PIK3C2G: variants seen among roughly 807,000 people sequenced by gnomAD.
PIK3C2G encodes phosphatidylinositol-4-phosphate 3-kinase catalytic subunit type 2 gamma, also known as phosphatidylinositol 3-kinase C2 domain-containing subunit gamma.
Under a neutral mutation model 181.1 loss-of-function variants are expected in PIK3C2G, and 168 were observed. That is an observed-to-expected ratio of 0.93 (90% CI 0.82 to 1.05). The LOEUF is 1.05. PIK3C2G is among the 50% of genes least tolerant of loss of function. The pLI, the probability that PIK3C2G is intolerant of heterozygous loss-of-function variation, is 0.00. For synonymous variants in PIK3C2G, 573 were observed against 592.2 expected (o/e 0.97, Z 0.47); for missense variants, 1,869 against 1,732.8 (o/e 1.08, Z -1.40).
chr12:18,523,097 G>A (rs569703110), intron 24 of PIK3C2G, among the ~76,000 whole-genome samples: 5 of 151,740 alleles, frequency 3.3e-5, no homozygotes, highest in East Asian at 1.9e-4. Context: ...TGGGTTTTTG[G>A]TATTTTTTAT....
At chr12:18,435,737 T>G (rs765576224) in intron 18 of PIK3C2G, among the ~76,000 whole-genome samples, 1 of 152,082 alleles carries the variant, frequency 6.6e-6, no homozygotes, top group Non-Finnish European at 1.5e-5. Flanking sequence ...CTGATGACTT[T>G]GCACACAGTT....
intron 11 of PIK3C2G, among the ~76,000 whole-genome samples, chr12:18,361,253 T>A (rs1398288822): frequency 6.6e-6 from 1 of 152,186 alleles, no homozygotes; most frequent in Admixed American, 6.5e-5. Context: ...ATAATTTCTA[T>A]TTGGTTATTT....
intron 14 of PIK3C2G, among the ~76,000 whole-genome samples, chr12:18,385,591 T>C (rs1943113853): frequency 6.6e-6 from 1 of 152,004 alleles, no homozygotes; most frequent in African/African-American, 2.4e-5. Flanking sequence ...TATTTGGAGA[T>C]GAATTCTCAC....
chr12:18,263,719 G>A (rs563180335), intron 1 of PIK3C2G, among the ~76,000 whole-genome samples: 1 of 151,874 alleles, frequency 6.6e-6, no homozygotes, highest in Admixed American at 6.6e-5. Flanking sequence ...TGTTGTTGTC[G>A]ATATTATTAC....
chr12:18,280,543 C>G (rs1202960381), intron 1 of PIK3C2G, among the ~76,000 whole-genome samples: 1 of 151,672 alleles, frequency 6.6e-6, no homozygotes, highest in Admixed American at 6.6e-5. Context: ...GCCAGAAGGC[C>G]AAGATGATGA....
At position 18,325,213 on chromosome 12, in the gene PIK3C2G, T is replaced by G. The variant is rs2137496256; in HGVS notation, c.1272+115T>G. 6.4e-6 allele frequency: 4 copies of G among 626,122 alleles called. No individual in the cohort carries two copies. In the South Asian group the frequency reaches 8.1e-5, roughly 13 times the overall value. 38.8% of individuals were successfully genotyped at this position (626,122 alleles called of 1,614,324 possible). A position where few individuals can be genotyped will look rare whatever the true frequency, so the allele number is the denominator to read the frequency against. ...ACAAAAATGAATAAAACAGAGGATCTACACTTGAAAGGCTTTCATTTCAAC... is the reference window on the plus strand; with the variant it reads ...ACAAAAATGAATAAAACAGAGGATCGACACTTGAAAGGCTTTCATTTCAAC... On this transcript the variant is annotated intron_variant, in intron 8 of 32. Transcript: ENST00000538779.
intron 24 of PIK3C2G, among the ~76,000 whole-genome samples, chr12:18,518,660 G>A (rs1316542960): frequency 6.6e-6 from 1 of 151,540 alleles, no homozygotes; most frequent in Non-Finnish European, 1.5e-5. Context: ...TATCTATTTT[G>A]TTAATTTTTT....
chr12:18,338,957 A>G (rs1938851010), intron 9 of PIK3C2G, among the ~76,000 whole-genome samples: 1 of 152,076 alleles, frequency 6.6e-6, no homozygotes, highest in Non-Finnish European at 1.5e-5. Flanking sequence ...GTATACAGGC[A>G]TTAAGTGTCA....
chr12:18,426,836 T>C (rs535465945), intron 18 of PIK3C2G, among the ~76,000 whole-genome samples: 2 of 152,354 alleles, frequency 1.3e-5, no homozygotes, highest in South Asian at 2.1e-4. Context: ...ATTTTCATTT[T>C]AAATGCCTAA....
At chr12:18,673,661 C>T in the PIK3C2G span, among the ~76,000 whole-genome samples, 1 of 152,160 alleles carries the variant, frequency 6.6e-6, no homozygotes, top group Non-Finnish European at 1.5e-5. Flanking sequence ...TGTCAGAAAT[C>T]CAGGCACAGC....
intron 9 of PIK3C2G, among the ~76,000 whole-genome samples, chr12:18,341,360 G>C (rs1450855228): frequency 6.6e-6 from 1 of 152,044 alleles, no homozygotes; most frequent in Non-Finnish European, 1.5e-5. Context: ...CTTTCCTTAT[G>C]TACTAGTATA....
At chr12:18,271,140 G>A (rs982988916) in intron 1 of PIK3C2G, among the ~76,000 whole-genome samples, 1 of 151,980 alleles carries the variant, frequency 6.6e-6, no homozygotes, top group Non-Finnish European at 1.5e-5. Flanking sequence ...TATGGCTGTT[G>A]ACTACCAGGC....
At chr12:18,661,861 A>G in the PIK3C2G span, among the ~76,000 whole-genome samples, 21 of 152,234 alleles carry the variant, frequency 1.4e-4, no homozygotes, top group African/African-American at 4.3e-4. Context: ...ATAGGAATCA[A>G]CCTATGTGCC....
upstream of PIK3C2G, among the ~76,000 whole-genome samples, chr12:18,247,439 C>G (rs1948051849): frequency 6.6e-6 from 1 of 152,104 alleles, no homozygotes; most frequent in African/African-American, 2.4e-5. Context: ...GAGGTTTAAT[C>G]TGCAGAAGAG....
intron 29 of PIK3C2G, among the ~76,000 whole-genome samples, chr12:18,592,158 C>A (rs1032446415): frequency 4.0e-5 from 6 of 151,736 alleles, no homozygotes; most frequent in African/African-American, 1.2e-4. Context: ...GTTTAGGAGA[C>A]AAATCTGGAA....
chr12:18,338,294 CTTT>C, intron 8 of PIK3C2G, 129 bp from the exon 9 acceptor site: 1 of 695,094 alleles, frequency 1.4e-6, no homozygotes, highest in Non-Finnish European at 2.4e-6. Context: ...TGAGAACTTT[CTTT>C]TTGTGTGAAA....
intron 5 of PIK3C2G, among the ~76,000 whole-genome samples, chr12:18,309,481 C>T (rs1950552877): frequency 6.6e-6 from 1 of 151,786 alleles, no homozygotes; most frequent in South Asian, 2.1e-4. Context: ...GACTGCCAAA[C>T]ACCTGTCTGA....
rs182556335 is a variant in PIK3C2G at position 18,278,300 on chromosome 12, A to C, written c.-78-3704A>C. Among the ~76,000 whole-genome samples, 19 of 152,280 alleles carry C rather than the reference A, an allele frequency of 1.2e-4. No individual in the cohort carries two copies. In the East Asian group the frequency reaches 3.7e-3, roughly 29 times the overall value. ...CCATTACAGCCTCTAGAGACGTCTT[A>C]TGTTCCTAGCCATGTGGCCCCTTTC... is the stretch of plus-strand genomic sequence containing the variant. On this transcript the variant is annotated intron_variant, in intron 1 of 32. Coordinates refer to ENST00000538779, the MANE Select transcript of PIK3C2G (RefSeq NM_001288772.2).
rs559466028 is a variant in PIK3C2G, at chr12:18,474,157, T to C, written c.2505-14292T>C. Among the ~76,000 whole-genome samples the C allele has an allele frequency of 5.4e-4, 82 of 152,292 alleles. 1 individual carries two copies. Among genetic ancestry groups the C allele is most frequent in the African/African-American group, 1.9e-3 (79 of 41,582 alleles). Reference sequence around the variant, plus strand: ...CTAGGTACTGTTCTAAATTATATCATTTAATTATCACAGCAACCTTGTCAA... The same window carrying C: ...CTAGGTACTGTTCTAAATTATATCACTTAATTATCACAGCAACCTTGTCAA... On this transcript the variant is annotated intron_variant, in intron 18 of 32. Coordinates refer to ENST00000538779, the MANE Select transcript of PIK3C2G (RefSeq NM_001288772.2).
Sources: allele counts gnomAD v4.1 joint callset (sites outside exome capture counted in the v4.1 genomes callset), GRCh38; gene constraint gnomAD v4.1.1; transcripts MANE v1.5; gene names NCBI Gene and HGNC (gene_info 2026-07-23, HGNC 2026-07-21).